The following TOX variants were observed in gnomAD, a reference collection of about 807,000 sequenced individuals.
TOX encodes thymocyte selection associated high mobility group box, also known as thymocyte selection-associated high mobility group box protein TOX.
TOX carries 11 observed loss-of-function variants against 53.7 expected under a neutral mutation model. That is an observed-to-expected ratio of 0.20 (90% CI 0.13 to 0.34). TOX has a LOEUF of 0.34. Among genes scored for constraint, TOX ranks in the 10% least tolerant of loss-of-function variants. The pLI, the probability that TOX is intolerant of heterozygous loss-of-function variation, is 1.00. For missense variants in TOX, 570 were observed against 664.6 expected, an observed-to-expected ratio of 0.86 and a Z score of 1.56; for synonymous variants, 225 against 245.3, an observed-to-expected ratio of 0.92 and a Z score of 0.77.
At chr8:59,102,551 T>A (rs755410038) in intron 1 of TOX, among the ~76,000 whole-genome samples, 3 of 151,960 alleles carry the variant, frequency 2.0e-5, no homozygotes, top group Non-Finnish European at 2.9e-5. Context: ...TTTAAAACCA[T>A]CAGAACTCGT....
At chr8:58,907,715 A>G (rs1811841650) in intron 3 of TOX, among the ~76,000 whole-genome samples, 1 of 152,204 alleles carries the variant, frequency 6.6e-6, no homozygotes, top group Non-Finnish European at 1.5e-5. Context: ...CTCCTAGTCC[A>G]GTATCAGTGA....
intron 1 of TOX, among the ~76,000 whole-genome samples, chr8:58,992,343 A>G (rs1365343113): frequency 2.6e-5 from 4 of 152,162 alleles, no homozygotes; most frequent in Non-Finnish European, 5.9e-5. Flanking sequence ...AAATGCATCA[A>G]TGATTTCAAA....
intron 4 of TOX, among the ~76,000 whole-genome samples, chr8:58,850,740 T>G (rs1012545485): frequency 6.6e-6 from 1 of 152,202 alleles, no homozygotes; most frequent in Admixed American, 6.5e-5. Context: ...CAATCTTATC[T>G]TTGTCATCAG....
intron 3 of TOX, among the ~76,000 whole-genome samples, chr8:58,853,745 T>TCA (rs570066247): frequency 6.6e-5 from 10 of 152,356 alleles, no homozygotes; most frequent in Non-Finnish European, 1.0e-4. Flanking sequence ...TTGCCTTCAG[T>TCA]CACATTTACT....
At chr8:59,053,711 T>C (rs1296438641) in intron 1 of TOX, among the ~76,000 whole-genome samples, 1 of 152,232 alleles carries the variant, frequency 6.6e-6, no homozygotes, top group Non-Finnish European at 1.5e-5. Flanking sequence ...AACACATGTA[T>C]GCTATTTAAG....
intron 1 of TOX, among the ~76,000 whole-genome samples, chr8:59,066,635 C>T (rs1305011127): frequency 6.6e-6 from 1 of 152,136 alleles, no homozygotes; most frequent in African/African-American, 2.4e-5. Flanking sequence ...TCTTTGCATT[C>T]AAAACGTCCC....
intron 1 of TOX, among the ~76,000 whole-genome samples, chr8:58,989,283 T>C (rs1813395955): frequency 6.6e-6 from 1 of 151,610 alleles, no homozygotes; most frequent in Non-Finnish European, 1.5e-5. Flanking sequence ...GCCACTGCAC[T>C]CCAGCCTGGG....
At chr8:58,832,248 C>T (rs1334389883) in intron 5 of TOX, among the ~76,000 whole-genome samples, 1 of 149,250 alleles carries the variant, frequency 6.7e-6, no homozygotes, top group African/African-American at 2.5e-5. Context: ...TACAAGTATG[C>T]TCACCATTTC....
intron 1 of TOX, among the ~76,000 whole-genome samples, chr8:59,103,140 G>A (rs573260930): frequency 2.0e-5 from 3 of 152,162 alleles, no homozygotes; most frequent in South Asian, 2.1e-4. Context: ...AACGTAGGTC[G>A]GCCTGGGGCA....
chr8:58,939,572 G>A (rs755236888), intron 2 of TOX, 28 bp from the exon 3 acceptor site: 2 of 1,585,040 alleles, frequency 1.3e-6, no homozygotes, highest in East Asian at 2.3e-5. Context: ...TGACATTGTT[G>A]CAAATTATCA....
At chr8:58,920,825 C>T (rs1267010501) in intron 3 of TOX, among the ~76,000 whole-genome samples, 1 of 148,292 alleles carries the variant, frequency 6.7e-6, no homozygotes, top group Admixed American at 6.7e-5. Context: ...TTCTTCAGCA[C>T]CTATCATAGT....
chr8:59,055,213 G>T (rs371920728), intron 1 of TOX, among the ~76,000 whole-genome samples: 1 of 152,142 alleles, frequency 6.6e-6, no homozygotes, highest in Admixed American at 6.5e-5. Context: ...GCTCCGATCA[G>T]CTGCAAACAG....
intron 1 of TOX, among the ~76,000 whole-genome samples, chr8:59,003,062 C>T (rs1813724047): frequency 6.6e-6 from 1 of 152,124 alleles, no homozygotes. Context: ...ATAAAACTGA[C>T]CTTTGGTTTC....
chr8:59,015,819 A>C (rs1468437370), intron 1 of TOX, among the ~76,000 whole-genome samples: 1 of 152,228 alleles, frequency 6.6e-6, no homozygotes, highest in Non-Finnish European at 1.5e-5. Context: ...GTGCTCATAG[A>C]AGTACCAGAA....
chr8:58,876,065 A>T (rs1811278720), intron 3 of TOX, among the ~76,000 whole-genome samples: 2 of 152,308 alleles, frequency 1.3e-5, no homozygotes, highest in Admixed American at 1.3e-4. Flanking sequence ...CTTTTCTACC[A>T]GGTATTAATA....
intron 1 of TOX, among the ~76,000 whole-genome samples, chr8:59,042,491 T>C (rs1803609255): frequency 6.6e-6 from 1 of 152,242 alleles, no homozygotes; most frequent in Non-Finnish European, 1.5e-5. Flanking sequence ...TACTTCTTTA[T>C]AGGAACTATT....
At chr8:58,981,044 C>A (rs1813196146) in intron 1 of TOX, among the ~76,000 whole-genome samples, 1 of 152,130 alleles carries the variant, frequency 6.6e-6, no homozygotes, top group South Asian at 2.1e-4. Flanking sequence ...ATTTCTCTTG[C>A]AGATCTTTTC....
intron 1 of TOX, among the ~76,000 whole-genome samples, chr8:59,105,718 T>C (rs1428133660): frequency 6.6e-6 from 1 of 152,212 alleles, no homozygotes; most frequent in Non-Finnish European, 1.5e-5. Context: ...ATATTTAAAA[T>C]GACCCTGGTG....
intron 1 of TOX, among the ~76,000 whole-genome samples, chr8:59,051,027 A>G (rs1413598756): frequency 6.6e-6 from 1 of 152,134 alleles, no homozygotes; most frequent in Non-Finnish European, 1.5e-5. Flanking sequence ...CACATGCTCT[A>G]TGGCATAAAA....
Sources: gnomAD v4.1 joint callset for allele counts (sites outside exome capture counted in the v4.1 genomes callset) on GRCh38, gnomAD v4.1.1 for gene constraint, MANE v1.5 for transcripts, NCBI Gene and HGNC (gene_info 2026-07-23, HGNC 2026-07-21) for gene names.